Variants in PTPRQ observed in about 807,000 individuals in gnomAD.
PTPRQ encodes phosphatidylinositol phosphatase PTPRQ.
In PTPRQ, 199 loss-of-function variants were observed where a neutral mutation model predicts 246.0. The ratio of observed to expected loss-of-function variants is 0.81; its 90% CI spans 0.72 to 0.91. The LOEUF (loss-of-function observed/expected upper bound fraction) is 0.91, where lower values mean the gene tolerates loss of function less well. Among genes scored for constraint, PTPRQ ranks in the 40% least tolerant of loss-of-function variants. The pLI is 0.00. For missense variants in PTPRQ, 2,624 were observed against 2,528.4 expected, an observed-to-expected ratio of 1.04 and a Z score of -0.81; for synonymous variants, 869 against 853.2, an observed-to-expected ratio of 1.02 and a Z score of -0.32.
At chr12:80,462,104 T>A (rs535244447) in intron 6 of PTPRQ, 2 of 573,378 alleles carry the variant, frequency 3.5e-6, no homozygotes, top group South Asian at 2.0e-5. Context: ...GAGTTCCCTT[T>A]CCTAGTCAAA....
chr12:80,621,030 T>C (rs1306390515), intron 32 of PTPRQ, among the ~76,000 whole-genome samples: 2 of 151,900 alleles, frequency 1.3e-5, no homozygotes, highest in East Asian at 3.9e-4. Flanking sequence ...ATCTTATCCT[T>C]GTGTGATTTT....
Position 80,523,937 on chromosome 12 carries a change from A to G in PTPRQ, c.2679-10078A>G, listed in dbSNP as rs956831240. 3.7e-4 allele frequency among the ~76,000 whole-genome samples: 56 copies of G among 152,122 alleles called. 1 individual carries two copies. The highest frequency in any genetic ancestry group is 1.3e-3 in the African/African-American group (56 of 41,496). Reference sequence around the variant, plus strand: ...GATATCCTTGTTAACTTTCTGTCTCATTGATCTGTCTAATGTTGACAGGGG... The same window carrying G: ...GATATCCTTGTTAACTTTCTGTCTCGTTGATCTGTCTAATGTTGACAGGGG... On this transcript the variant is annotated intron_variant, in intron 17 of 44. Transcript: ENST00000644991.
intron 16 of PTPRQ, among the ~76,000 whole-genome samples, chr12:80,508,374 C>T (rs1028420423): frequency 2.6e-5 from 4 of 151,956 alleles, no homozygotes; most frequent in Non-Finnish European, 4.4e-5. Flanking sequence ...TATAAATGTT[C>T]CCCCAAATTA....
chr12:80,575,839 CA>C (rs201432092), intron 25 of PTPRQ, among the ~76,000 whole-genome samples: 2,048 of 47,130 alleles, frequency 0.043, 29 homozygotes, highest in African/African-American at 0.11. Context: ...AACCCCATCT[CA>C]AAAAAAAAAA....
At chr12:80,583,261 T>A (rs1897504799) in intron 25 of PTPRQ, among the ~76,000 whole-genome samples, 1 of 151,980 alleles carries the variant, frequency 6.6e-6, no homozygotes. Context: ...GTCTAGACTC[T>A]GAGAGAGAAA....
Position 80,484,588 on chromosome 12 carries a change from C to T in PTPRQ, c.1342C>T (p.Leu448Phe). ...ETGIILENTLLTGNNEYINDP... is the reference protein window; with the variant it reads ...ETGIILENTLFTGNNEYINDP... Reference sequence around the variant, plus strand: ...AGGAATAATTTTGGAAAATACTTTGCTCACTGGAAATAATGAGGTATTGCA... The same window carrying T: ...AGGAATAATTTTGGAAAATACTTTGTTCACTGGAAATAATGAGGTATTGCA... The change falls in exon 9 of 45, where the codon CTC (leucine) becomes TTC (phenylalanine). Residue 448 changes from leucine (L) to phenylalanine (F), a missense_variant. Transcript: ENST00000644991. 2 of 1,550,454 alleles carry T rather than the reference C, an allele frequency of 1.3e-6. No individual in the cohort carries two copies. The highest frequency in any genetic ancestry group is 1.7e-6 in the Non-Finnish European group (2 of 1,146,616).
At chr12:80,465,688 A>T (rs1893374806) in intron 6 of PTPRQ, among the ~76,000 whole-genome samples, 1 of 152,164 alleles carries the variant, frequency 6.6e-6, no homozygotes, top group Non-Finnish European at 1.5e-5. Context: ...CTGGGATGCA[A>T]GGCTGGTTCA....
In PTPRQ at chr12:80,445,633, A is replaced by C. The variant is rs1307667047; in HGVS notation, c.306A>C (p.Thr102=). ...KYKEVCPWMQ[T]VYTQVRSKPD... ...AGGAAGTTTGTCCGTGGATGCAAAC[A>C]GTATATACACAAGTCAGATCAAAGC... The change falls in exon 3 of 45, where the codon ACA becomes ACC. Residue 102 remains threonine, a synonymous_variant. Coordinates refer to ENST00000644991, the MANE Select transcript of PTPRQ (RefSeq NM_001145026.2). 1 of 1,550,238 alleles carries C rather than the reference A, an allele frequency of 6.5e-7. No individual in the cohort carries two copies. The highest frequency in any genetic ancestry group is 2.0e-5 in the Admixed American group (1 of 50,926).
chr12:80,446,581 C>T (rs943449489), intron 3 of PTPRQ, among the ~76,000 whole-genome samples: 1 of 151,782 alleles, frequency 6.6e-6, no homozygotes, highest in African/African-American at 2.4e-5. Context: ...AATCCTCACC[C>T]TCTCCTACCC....
At chr12:80,453,184 A>T (rs1182311646) in intron 3 of PTPRQ, among the ~76,000 whole-genome samples, 1 of 151,806 alleles carries the variant, frequency 6.6e-6, no homozygotes, top group Non-Finnish European at 1.5e-5. Flanking sequence ...TGCATTCTTC[A>T]CGTAGTTTTC....
chr12:80,657,964 A>T, intron 38 of PTPRQ, 21 bp from the exon 39 acceptor site: 1 of 1,379,120 alleles, frequency 7.3e-7, no homozygotes, highest in Non-Finnish European at 9.5e-7. Flanking sequence ...ATTAACATTG[A>T]TTCCTTATAT....
intron 17 of PTPRQ, among the ~76,000 whole-genome samples, chr12:80,530,931 AG>A (rs1466459897): frequency 3.3e-5 from 5 of 152,086 alleles, no homozygotes; most frequent in African/African-American, 1.2e-4. Flanking sequence ...GCATGCCTGT[AG>A]TACCAGCTAC....
At chr12:80,664,730 A>G (rs1295537356) in intron 39 of PTPRQ, among the ~76,000 whole-genome samples, 1 of 151,950 alleles carries the variant, frequency 6.6e-6, no homozygotes, top group Non-Finnish European at 1.5e-5. Flanking sequence ...CACAACACTG[A>G]ATCAGCTATT....
chr12:80,491,751 C>T (rs1159589183), intron 9 of PTPRQ, among the ~76,000 whole-genome samples: 1 of 151,854 alleles, frequency 6.6e-6, no homozygotes, highest in Non-Finnish European at 1.5e-5. Flanking sequence ...TCTTGCTTTA[C>T]TGAACTTTTT....
chr12:80,634,126 C>G (rs533427945), intron 34 of PTPRQ, among the ~76,000 whole-genome samples: 1 of 151,808 alleles, frequency 6.6e-6, no homozygotes, highest in Admixed American at 6.6e-5. Context: ...TAATTTGAAT[C>G]TTTTTTTCTC....
chr12:80,597,168 T>C (rs1399494776), intron 26 of PTPRQ, among the ~76,000 whole-genome samples: 2 of 152,044 alleles, frequency 1.3e-5, no homozygotes, highest in Non-Finnish European at 2.9e-5. Flanking sequence ...TTTTGAGGTT[T>C]CTGATACCCT....
At chr12:80,481,870 A>G (rs1894074017) in intron 8 of PTPRQ, among the ~76,000 whole-genome samples, 1 of 152,042 alleles carries the variant, frequency 6.6e-6, no homozygotes, top group South Asian at 2.1e-4. Flanking sequence ...TCAATGAAAT[A>G]AAAGAGGATA....
At chr12:80,506,699 T>A in intron 16 of PTPRQ, 29 bp downstream of exon 16, 1 of 1,520,762 alleles carries the variant, frequency 6.6e-7, no homozygotes, top group Non-Finnish European at 8.9e-7. Context: ...ATTGATATAC[T>A]TTGATTCTAT....
intron 14 of PTPRQ, among the ~76,000 whole-genome samples, chr12:80,505,664 A>G (rs572914147): frequency 1.3e-5 from 2 of 151,774 alleles, no homozygotes; most frequent in Admixed American, 1.3e-4. Flanking sequence ...TCTTTTTTTC[A>G]TATTATTATT....
Sources: allele counts gnomAD v4.1 joint callset (sites outside exome capture counted in the v4.1 genomes callset), GRCh38; gene constraint gnomAD v4.1.1; transcripts MANE v1.5; gene names NCBI Gene and HGNC (gene_info 2026-07-23, HGNC 2026-07-21).